MRPS9: variants seen among roughly 807,000 people sequenced by gnomAD.
MRPS9 encodes the protein mitochondrial ribosomal protein S9, also known as small ribosomal subunit protein uS9m.
MRPS9 carries 45 observed loss-of-function variants against 59.9 expected under a neutral mutation model. The observed-to-expected ratio is 0.75, with a 90% CI of 0.59 to 0.96. The LOEUF is 0.96. MRPS9 is among the 40% of genes least tolerant of loss of function. The probability of loss-of-function intolerance (pLI) is 0.00; values close to 1 mark genes in which losing one functional copy is unlikely to be tolerated. For missense variants in MRPS9, 473 were observed against 481.1 expected (o/e 0.98, Z 0.16); for synonymous variants, 171 against 166.8 (o/e 1.03, Z -0.19).
At chr2:105,038,449 C>T in intron 1 of MRPS9, 1 of 574,078 alleles carries the variant, frequency 1.7e-6, no homozygotes, top group Non-Finnish European at 3.0e-6. Context: ...GCGAGGGGAA[C>T]TTACCTGAAG....
intron 2 of MRPS9, among the ~76,000 whole-genome samples, chr2:105,064,247 G>C (rs962109477): frequency 6.6e-6 from 1 of 152,110 alleles, no homozygotes; most frequent in African/African-American, 2.4e-5. Flanking sequence ...AAGAAGGAAG[G>C]GAGACAGCGG....
At chr2:105,075,650 C>T (rs1337034133) in intron 4 of MRPS9, among the ~76,000 whole-genome samples, 1 of 152,120 alleles carries the variant, frequency 6.6e-6, no homozygotes, top group African/African-American at 2.4e-5. Context: ...CTAAATAAAA[C>T]ACTAGCAAAC....
In MRPS9 at chr2:105,084,247, A is replaced by ATATATATATATATATATATAT. The variant is rs1680403807; in HGVS notation, c.489+4185_489+4186insTATATATATATATATATATAT. On this transcript the variant is annotated intron_variant, in intron 5 of 10. Transcript: ENST00000258455. ...TGGCCACAGATGAAATATATACCAA[A>ATATATATATATATATATATAT]ATATATATATATATATATATATGTA... Among the ~76,000 whole-genome samples the ATATATATATATATATATATAT allele has an allele frequency of 4.3e-5, 6 of 139,586 alleles. No homozygotes were observed. The East Asian group carries it at 7.2e-4, about 17-fold the overall frequency. The allele number at this position is 139,586 out of a possible 152,430, so 91.6% of individuals were successfully genotyped here.
At position 105,049,346 on chromosome 2, in the gene MRPS9, T is replaced by C. The variant is rs577704289; in HGVS notation, c.311T>C (p.Ile104Thr). 4.4e-6 allele frequency: 7 copies of C among 1,608,956 alleles called. No individual in the cohort carries two copies. The highest frequency in any genetic ancestry group is 2.2e-5 in the East Asian group (1 of 44,768). Residue 104 changes from isoleucine (I) to threonine (T), a missense_variant, in exon 2 of 11, where the codon ATT becomes ACT. Ile to Thr is a moderately conservative substitution (Grantham distance 89). Coordinates refer to ENST00000258455, the MANE Select transcript of MRPS9 (RefSeq NM_182640.3). ...EDPETFTQED[I>T]DRAIAYLFPS... ...CCAGAAACTTTCACTCAAGAAGATA[T>C]TGACGTAAGTACAGTTACTCTGTTG...
chr2:105,083,494 C>A (rs1281319329), intron 5 of MRPS9, among the ~76,000 whole-genome samples: 1 of 152,128 alleles, frequency 6.6e-6, no homozygotes, highest in Non-Finnish European at 1.5e-5. Flanking sequence ...AAAACATTTA[C>A]CAATACATAT....
At chr2:105,096,643 C>T (rs1680665720) in intron 9 of MRPS9, among the ~76,000 whole-genome samples, 1 of 152,108 alleles carries the variant, frequency 6.6e-6, no homozygotes, top group South Asian at 2.1e-4. Flanking sequence ...CAGGGAAGTG[C>T]AAGGTCGAAA....
intron 4 of MRPS9, among the ~76,000 whole-genome samples, chr2:105,074,957 A>G (rs1475434035): frequency 6.6e-6 from 1 of 152,166 alleles, no homozygotes; most frequent in Non-Finnish European, 1.5e-5. Flanking sequence ...ACATTGTAAG[A>G]TATAATGAAA....
At chr2:105,039,061 A>T (rs1008962467) in intron 1 of MRPS9, among the ~76,000 whole-genome samples, 1 of 152,084 alleles carries the variant, frequency 6.6e-6, no homozygotes, top group African/African-American at 2.4e-5. Flanking sequence ...TGAAGGACAA[A>T]TAAGAAATAA....
At chr2:105,041,084 A>T (rs577622232) in intron 1 of MRPS9, among the ~76,000 whole-genome samples, 36 of 152,232 alleles carry the variant, frequency 2.4e-4, no homozygotes, top group African/African-American at 7.5e-4. Flanking sequence ...AATCAGTATG[A>T]TCTGTTTTGC....
chr2:105,067,392 C>T (rs1680020837), intron 2 of MRPS9, among the ~76,000 whole-genome samples: 2 of 152,096 alleles, frequency 1.3e-5, no homozygotes, highest in Admixed American at 6.6e-5. Context: ...GTATACTTCT[C>T]GTTACATCCA....
chr2:105,048,832 A>T (rs560609507), intron 1 of MRPS9, among the ~76,000 whole-genome samples: 41 of 151,898 alleles, frequency 2.7e-4, no homozygotes, highest in African/African-American at 9.7e-4. Flanking sequence ...TCTTTATCCC[A>T]TGTGTCAAAT....
At chr2:105,082,060 C>T (rs1336218612) in intron 5 of MRPS9, among the ~76,000 whole-genome samples, 2 of 152,178 alleles carry the variant, frequency 1.3e-5, no homozygotes, top group African/African-American at 2.4e-5. Flanking sequence ...GGAGCCATCT[C>T]GCCTGTCTGC....
At chr2:105,062,214 C>A (rs1295981953) in intron 2 of MRPS9, among the ~76,000 whole-genome samples, 1 of 152,122 alleles carries the variant, frequency 6.6e-6, no homozygotes, top group Non-Finnish European at 1.5e-5. Context: ...ATATTTCCAC[C>A]CACATACCCA....
chr2:105,095,790 C>T (rs1244544182), intron 9 of MRPS9, among the ~76,000 whole-genome samples: 6 of 151,906 alleles, frequency 3.9e-5, no homozygotes. Context: ...AGCCACTGCG[C>T]CCAGCCTAAA....
In MRPS9 at chr2:105,089,410, G is replaced by C. The variant is rs975376264; in HGVS notation, c.575+341G>C. 2.7e-5 allele frequency among the ~76,000 whole-genome samples: 4 copies of C among 150,794 alleles called. No individual in the cohort carries two copies. In the Admixed American group the frequency reaches 2.7e-4, roughly 10 times the overall value. ...TTATTTTTATATTTTGGTATTTCAA[G>C]GTTTCTGCTTCCATTTGGCAGACAG... On this transcript the variant is annotated intron_variant, in intron 6 of 10. Coordinates refer to ENST00000258455, the MANE Select transcript of MRPS9 (RefSeq NM_182640.3).
At chr2:105,062,619 A>G (rs1401564222) in intron 2 of MRPS9, among the ~76,000 whole-genome samples, 3 of 152,246 alleles carry the variant, frequency 2.0e-5, no homozygotes, top group Non-Finnish European at 4.4e-5. Flanking sequence ...TTAACCTTGT[A>G]ACCATTTAAT....
At position 105,038,070 on chromosome 2, in the gene MRPS9, G is replaced by T. The variant is rs760516199; in HGVS notation, c.-23G>T. On this transcript the variant is annotated 5_prime_UTR_variant, in exon 1 of 11. Coordinates refer to ENST00000258455, the MANE Select transcript of MRPS9 (RefSeq NM_182640.3). ...TAGGCCCCGCCCCCTCACCCCTCCG[G>T]TCCTGGAGCTCCCACAGCTAACATG... 1 of 1,612,584 alleles carries T rather than the reference G, an allele frequency of 6.2e-7. No individual in the cohort carries two copies. The highest frequency in any genetic ancestry group is 8.5e-7 in the Non-Finnish European group (1 of 1,179,760).
chr2:105,094,239 T>C (rs1680615598), intron 9 of MRPS9, among the ~76,000 whole-genome samples: 1 of 152,230 alleles, frequency 6.6e-6, no homozygotes, highest in Non-Finnish European at 1.5e-5. Context: ...TGCTTAGTTC[T>C]GGGTGCTAAA....
chr2:105,069,334 C>T (rs1273066171), intron 2 of MRPS9, among the ~76,000 whole-genome samples: 2 of 151,890 alleles, frequency 1.3e-5, no homozygotes, highest in Non-Finnish European at 2.9e-5. Flanking sequence ...CCTGCCTCAG[C>T]CTCCCAAGTA....
Sources: gnomAD v4.1 joint callset for allele counts (sites outside exome capture counted in the v4.1 genomes callset) on GRCh38, gnomAD v4.1.1 for gene constraint, MANE v1.5 for transcripts, NCBI Gene and HGNC (gene_info 2026-07-23, HGNC 2026-07-21) for gene names.